The following TNS2 variants were observed in gnomAD, a reference collection of about 807,000 sequenced individuals.
TNS2 encodes the protein tensin-2.
Under a neutral mutation model 155.7 loss-of-function variants are expected in TNS2, and 77 were observed. That is an observed-to-expected ratio of 0.49 (90% CI 0.41 to 0.60). The LOEUF is 0.60. Ranked by LOEUF, TNS2 falls within the 20% of genes least tolerant of loss-of-function variation. TNS2 has a pLI of 0.00. For synonymous variants in TNS2, 726 were observed against 763.9 expected (o/e 0.95, Z 0.82); for missense variants, 1,703 against 1,868.8 (o/e 0.91, Z 1.64).
Position 53,053,806 on chromosome 12 carries a change from G to A in TNS2, c.294G>A (p.Glu98=), listed in dbSNP as rs1592244200. ...RRNTAPVRRI[E]HLGSTKSLNH... ...ACACGGCCCCAGTCAGGCGCATAGA[G>A]CACCTGGTAAGGTGATGCTGGAGCA... The change falls in exon 5 of 29, where the codon GAG becomes GAA. Residue 98 remains glutamate (E), a synonymous_variant. Transcript: ENST00000314250. 6.2e-7 allele frequency: 1 copy of A among 1,612,534 alleles called. No homozygotes were observed. The highest frequency in any genetic ancestry group is 2.2e-5 in the East Asian group (1 of 44,874).
chr12:53,057,044 C>T lies in TNS2; in HGVS notation c.793C>T (p.Arg265Trp), dbSNP rs540051071. ...ADQALATLTM[R>W]KFCEDKVATE... ...CCAGGCACTGGCCACTCTTACCATGCGGAAATTCTGCGAGGACAAGGTGGC... is the reference window on the plus strand; with the variant it reads ...CCAGGCACTGGCCACTCTTACCATGTGGAAATTCTGCGAGGACAAGGTGGC... The change falls in exon 11 of 29, where the codon CGG (arginine) becomes TGG (tryptophan). Residue 265 changes from arginine to tryptophan, a missense_variant. Transcript: ENST00000314250. 319 of 1,613,758 alleles carry T rather than the reference C, an allele frequency of 2.0e-4. 5 individuals carry two copies. In the South Asian group the frequency reaches 2.9e-3, roughly 15 times the overall value.
intron 14 of TNS2, 41 bp downstream of exon 14, chr12:53,058,143 G>T (rs1303451549): frequency 1.2e-6 from 2 of 1,613,612 alleles, no homozygotes; most frequent in Non-Finnish European, 8.5e-7. Flanking sequence ...CTGGAGATGG[G>T]GCAGGGGTTG....
In TNS2 at chr12:53,051,947, A is replaced by T. The variant is rs748492700; in HGVS notation, c.168A>T (p.Thr56=). ...CAVCKVTIDG[T]GVSCRVCKVA... The stretch of plus-strand genomic sequence containing the variant: ...TATGTAAGGTGACCATCGATGGGAC[A>T]GGCGTTTCGTGCAGAGGTGAGGCTC... The change falls in exon 2 of 29, where the codon ACA becomes ACT. Residue 56 remains threonine (T), a synonymous_variant. Coordinates refer to ENST00000314250, the MANE Select transcript of TNS2 (RefSeq NM_170754.4). 1 of 1,613,296 alleles carries T rather than the reference A, an allele frequency of 6.2e-7. No individual in the cohort carries two copies. The highest frequency in any genetic ancestry group is 1.1e-5 in the South Asian group (1 of 91,030).
At chr12:53,062,732 T>C in intron 25 of TNS2, 35 bp downstream of exon 25, 1 of 1,610,126 alleles carries the variant, frequency 6.2e-7, no homozygotes, top group Non-Finnish European at 8.5e-7. Context: ...TCCCTCTCCC[T>C]GGGCACCAAG....
chr12:53,062,281 T>C, intron 23 of TNS2, 36 bp downstream of exon 23: 1 of 1,613,072 alleles, frequency 6.2e-7, no homozygotes, highest in South Asian at 1.1e-5. Context: ...CTACGTTGGG[T>C]CGGTTTAGGG....
At chr12:53,047,767 G>C (rs1402153891), upstream of TNS2, among the ~76,000 whole-genome samples, 1 of 152,154 alleles carries the variant, frequency 6.6e-6, no homozygotes, top group Non-Finnish European at 1.5e-5. Context: ...GACAGAGGCC[G>C]TAAGCGGGCA....
intron 14 of TNS2, 87 bp from the exon 15 acceptor site, chr12:53,058,229 G>C: frequency 6.2e-7 from 1 of 1,603,648 alleles, no homozygotes. Flanking sequence ...ATCGAGGCAG[G>C]GCAGAAGCTG....
chr12:53,061,702 C>A, intron 21 of TNS2, 113 bp from the exon 22 acceptor site: 1 of 1,516,986 alleles, frequency 6.6e-7, no homozygotes, highest in Non-Finnish European at 8.9e-7. Flanking sequence ...ACCGCCACCA[C>A]AGCTGTCAGG....
In TNS2 at chr12:53,059,968, G is replaced by T. The variant is rs1944320121; in HGVS notation, c.2327G>T (p.Gly776Val). ...TGCTCCTACACCATGTGCCCCGAAG[G>T]CAGGTATGGGCATCCAGGGTACCCT... ...EGCSYTMCPE[G>V]RYGHPGYPAL... Residue 776 changes from glycine to valine, a missense_variant, in exon 18 of 29, where the codon GGC (glycine) becomes GTC (valine). Coordinates refer to ENST00000314250, the MANE Select transcript of TNS2 (RefSeq NM_170754.4). This position sits in a 1 kb window ranked among gnomAD's most constrained non-coding sequence, Gnocchi z 4.7. The T allele has an allele frequency of 6.2e-7, 1 of 1,613,008 alleles. No homozygotes were observed.
chr12:53,056,481 G>C (rs1944163819), intron 10 of TNS2: 1 of 154,258 alleles, frequency 6.5e-6, no homozygotes, highest in African/African-American at 2.4e-5. Context: ...ACTCGGGATG[G>C]AATCCTTCCT....
In TNS2 at chr12:53,060,148, C is replaced by G. The variant is rs761499158; in HGVS notation, c.2507C>G (p.Pro836Arg). 6.2e-7 allele frequency: 1 copy of G among 1,609,638 alleles called. No homozygotes were observed. The highest frequency in any genetic ancestry group is 1.7e-5 in the Admixed American group (1 of 59,830). ...GCTGGCTCCATTTCCCCGGGCAGCC[C>G]GCCCTATCCACAATCTAGGAAGCTG... is the stretch of plus-strand genomic sequence containing the variant. ...PRAGSISPGS[P>R]PYPQSRKLSY... The change falls in exon 18 of 29, where the codon CCG (proline) becomes CGG (arginine). Residue 836 changes from proline to arginine, a missense_variant. Coordinates refer to ENST00000314250, the MANE Select transcript of TNS2 (RefSeq NM_170754.4). This position sits in a 1 kb window ranked among gnomAD's most constrained non-coding sequence, Gnocchi z 6.1.
At chr12:53,049,299 T>G (rs779986254), upstream of TNS2, 12 of 1,490,918 alleles carry the variant, frequency 8.0e-6, no homozygotes, top group Non-Finnish European at 1.1e-5. Flanking sequence ...AGCCCTTGGG[T>G]AGAGAGCCCA....
chr12:53,061,067 C>T lies in TNS2; in HGVS notation c.3161C>T (p.Thr1054Ile). 1.2e-6 allele frequency: 2 copies of T among 1,613,144 alleles called. No homozygotes were observed. Among genetic ancestry groups the T allele is most frequent in the Non-Finnish European group, 1.7e-6 (2 of 1,179,622 alleles). The change falls in exon 20 of 29, where the codon ACA becomes ATA. Residue 1054 changes from threonine (T) to isoleucine (I), a missense_variant. Physicochemically the swap from Thr to Ile is moderately conservative, Grantham distance 89. Transcript: ENST00000314250. The stretch of plus-strand genomic sequence containing the variant: ...CCAGAGCCGCCTCAGAGCTCACCTA[C>T]ACCTGCTTTCCCCCTGGCTGCCTCC... ...ASPEPPQSSP[T>I]PAFPLAASYD...
At position 53,051,966 on chromosome 12, in the gene TNS2, G is replaced by A. The variant is rs771622345; in HGVS notation, c.184+3G>A. 10 of 1,610,914 alleles carry A rather than the reference G, an allele frequency of 6.2e-6. No individual in the cohort carries two copies. Among genetic ancestry groups the A allele is most frequent in the Non-Finnish European group, 8.5e-6 (10 of 1,178,046 alleles). On this transcript the variant is annotated splice_donor_region_variant and intron_variant, in intron 2 of 28. Coordinates refer to ENST00000314250, the MANE Select transcript of TNS2 (RefSeq NM_170754.4). Reference sequence around the variant, plus strand: ...TGGGACAGGCGTTTCGTGCAGAGGTGAGGCTCTCTGTCCTGTGACTCTGAG... The same window carrying A: ...TGGGACAGGCGTTTCGTGCAGAGGTAAGGCTCTCTGTCCTGTGACTCTGAG...
chr12:53,047,560 G>A (rs1943770754), upstream of TNS2, among the ~76,000 whole-genome samples: 1 of 150,668 alleles, frequency 6.6e-6, no homozygotes, highest in African/African-American at 2.4e-5. Flanking sequence ...GCGGGAGGCC[G>A]GGACAGTGAC....
In TNS2 at chr12:53,060,203, G is replaced by A. The variant is rs1565610681; in HGVS notation, c.2562G>A (p.Gly854=). 1.3e-6 allele frequency: 2 copies of A among 1,574,384 alleles called. No individual in the cohort carries two copies. The highest frequency in any genetic ancestry group is 2.3e-5 in the East Asian group (1 of 44,416). Reference sequence around the variant, plus strand: ...ACGAGATCCCTACGGAGGAGGGAGGGGACAGGTACCCATTGCCTGGGCACC... The same window carrying A: ...ACGAGATCCCTACGGAGGAGGGAGGAGACAGGTACCCATTGCCTGGGCACC... ...LSYEIPTEEG[G]DRYPLPGHLA... Residue 854 remains glycine, a synonymous_variant, in exon 18 of 29, where the codon GGG becomes GGA. Coordinates refer to ENST00000314250, the MANE Select transcript of TNS2 (RefSeq NM_170754.4). The surrounding 1 kb of genome is among the most constrained non-coding windows in gnomAD (Gnocchi z 6.1).
chr12:53,059,080 G>A lies in TNS2; in HGVS notation c.1439G>A (p.Gly480Asp). 6.5e-7 allele frequency: 1 copy of A among 1,540,574 alleles called. No homozygotes were observed. The highest frequency in any genetic ancestry group is 8.7e-7 in the Non-Finnish European group (1 of 1,147,308). Residue 480 changes from glycine (G) to aspartate (D), a missense_variant, in exon 18 of 29, where the codon GGC (glycine) becomes GAC (aspartate). Transcript: ENST00000314250. The surrounding 1 kb of genome is among the most constrained non-coding windows in gnomAD (Gnocchi z 4.7). ...ACCCACACCCGGGGTCCCCTGGATG[G>A]CAGTCCTTATGCCCAGGTGCAGCGG... ...SLTHTRGPLD[G>D]SPYAQVQRPP...
intron 2 of TNS2, 182 bp downstream of exon 2, chr12:53,052,145 C>G (rs947088373): frequency 3.2e-6 from 2 of 615,444 alleles, no homozygotes; most frequent in African/African-American, 3.7e-5. Context: ...ACAGACACCT[C>G]CCATAACCCA....
At chr12:53,049,868 G>A (rs1943860710), upstream of TNS2, 1 of 435,316 alleles carries the variant, frequency 2.3e-6, no homozygotes, top group East Asian at 5.4e-5. Context: ...TGTCCCAGGT[G>A]TGGGACAACT....
Sources: gnomAD v4.1 joint callset for allele counts (sites outside exome capture counted in the v4.1 genomes callset) on GRCh38, gnomAD v4.1.1 for gene constraint, Gnocchi (gnomAD v3.1) non-coding constraint, MANE v1.5 for transcripts, NCBI Gene and HGNC (gene_info 2026-07-23, HGNC 2026-07-21) for gene names.